Variants in SMARCAL1 observed in about 807,000 individuals in gnomAD.
SMARCAL1 encodes the protein ATP-driven annealing helicase.
SMARCAL1 carries 58 observed loss-of-function variants against 94.5 expected under a neutral mutation model. The ratio of observed to expected loss-of-function variants is 0.61; its 90% CI spans 0.50 to 0.76. The LOEUF is 0.76. SMARCAL1 is among the 30% of genes least tolerant of loss of function. The probability of loss-of-function intolerance (pLI) is 0.00; values close to 1 mark genes in which losing one functional copy is unlikely to be tolerated. For synonymous variants in SMARCAL1, 422 were observed against 455.1 expected (o/e 0.93, Z 0.93); for missense variants, 1,051 against 1,177.9 (o/e 0.89, Z 1.58).
chr2:216,470,838 C>CAAAAAAAAA (rs55763206), intron 14 of SMARCAL1, among the ~76,000 whole-genome samples: 5 of 48,076 alleles, frequency 1.0e-4, no homozygotes, highest in Admixed American at 3.5e-4. Flanking sequence ...AAGAACATCT[C>CAAAAAAAAA]AAAAAAAAAA....
chr2:216,464,376 T>C (rs1043348353), intron 12 of SMARCAL1, among the ~76,000 whole-genome samples: 1 of 152,194 alleles, frequency 6.6e-6, no homozygotes, highest in Admixed American at 6.5e-5. Context: ...TCTTGGACAA[T>C]GGCAGAGTAG....
chr2:216,432,981 T>C, intron 8 of SMARCAL1, 113 bp downstream of exon 8: 6 of 1,374,792 alleles, frequency 4.4e-6, no homozygotes, highest in Non-Finnish European at 6.2e-6. Context: ...CTGTCTCAAG[T>C]AAAGGCAAAG....
chr2:216,445,516 TTTGCCCTG>T (rs766813915), intron 10 of SMARCAL1, among the ~76,000 whole-genome samples: 76 of 152,310 alleles, frequency 5.0e-4, no homozygotes, highest in Non-Finnish European at 9.0e-4. Context: ...ATGAACTGTT[TTTGCCCTG>T]GCTCCATCCC....
rs1307147296 is a variant in SMARCAL1 at position 216,432,702 on chromosome 2, C to T, written c.1335-16C>T. ...TGCCCCGGGAAATGTGCCATCCTCA[C>T]CTTGTCTGCCTTCAGTTTTGCCATA... On this transcript the variant is annotated splice_polypyrimidine_tract_variant and intron_variant, in intron 7 of 17. Transcript: ENST00000357276. The T allele has an allele frequency of 6.2e-7, 1 of 1,614,076 alleles. No homozygotes were observed.
At position 216,414,777 on chromosome 2, in the gene SMARCAL1, G is replaced by A; in HGVS notation, c.73G>A (p.Ala25Thr). Residue 25 changes from alanine (A) to threonine (T), a missense_variant, in exon 3 of 18, where the codon GCT (alanine) becomes ACT (threonine). This residue lies in a region of SMARCAL1 where 398 missense variants were observed against 395.2 expected (regional missense o/e 1.01). Transcript: ENST00000357276. ...TCGACAAAAGGCTCTGGCCCGCAGA[G>A]CTGAGAAGTTATTGGCAGAACAGCA... ...ENRQKALARR[A>T]EKLLAEQHQR... 6.2e-7 allele frequency: 1 copy of A among 1,614,218 alleles called. No individual in the cohort carries two copies. Among genetic ancestry groups the A allele is most frequent in the Non-Finnish European group, 8.5e-7 (1 of 1,180,044 alleles).
intron 6 of SMARCAL1, among the ~76,000 whole-genome samples, chr2:216,424,850 G>A (rs1344941920): frequency 1.3e-5 from 2 of 152,152 alleles, no homozygotes; most frequent in South Asian, 4.1e-4. Flanking sequence ...AATGGCTCAC[G>A]GTGATCTTGA....
chr2:216,414,647 CT>C lies in SMARCAL1; in HGVS notation c.-54del. 1.4e-6 allele frequency: 2 copies of C among 1,464,052 alleles called. No individual in the cohort carries two copies. Among genetic ancestry groups the C allele is most frequent in the Non-Finnish European group, 1.9e-6 (2 of 1,044,058 alleles). 90.7% of individuals were successfully genotyped at this position (1,464,052 alleles called of 1,614,324 possible). A position where few individuals can be genotyped will look rare whatever the true frequency, so the allele number is the denominator to read the frequency against. ...TCATTCTTCTTACTTTCTTCCACAG[CT>C]TTTGCCAACTTTCCAATTAAAGGTT... On this transcript the variant is annotated splice_region_variant and 5_prime_UTR_variant, in exon 3 of 18. An upstream open reading frame in the 5' UTR loses its in-frame stop. Coordinates refer to ENST00000357276, the MANE Select transcript of SMARCAL1 (RefSeq NM_014140.4).
At chr2:216,474,519 C>T (rs538578231) in intron 14 of SMARCAL1, among the ~76,000 whole-genome samples, 14 of 150,478 alleles carry the variant, frequency 9.3e-5, no homozygotes, top group Admixed American at 8.6e-4. Context: ...CTTTGGGAGG[C>T]CGAGGCAGGC....
chr2:216,438,542 C>A, intron 10 of SMARCAL1, 57 bp downstream of exon 10: 4 of 1,494,436 alleles, frequency 2.7e-6, no homozygotes, highest in South Asian at 2.3e-5. Flanking sequence ...ATATTTTGCT[C>A]AGGCTTGCAT....
At chr2:216,434,836 C>T (rs1050292106) in intron 8 of SMARCAL1, among the ~76,000 whole-genome samples, 1 of 146,496 alleles carries the variant, frequency 6.8e-6, no homozygotes, top group Admixed American at 6.9e-5. Context: ...CAAAGTGAGA[C>T]CAACACAACT....
At chr2:216,474,627 C>T (rs111474483) in intron 14 of SMARCAL1, among the ~76,000 whole-genome samples, 7 of 151,778 alleles carry the variant, frequency 4.6e-5, no homozygotes, top group South Asian at 2.1e-4. Flanking sequence ...TGGTGGTGTG[C>T]GCCTGTAATC....
intron 9 of SMARCAL1, among the ~76,000 whole-genome samples, chr2:216,436,902 T>C (rs1694092743): frequency 6.6e-6 from 1 of 152,248 alleles, no homozygotes; most frequent in Non-Finnish European, 1.5e-5. Flanking sequence ...GGCACAAAGC[T>C]AGCAAGTTGG....
At chr2:216,464,717 A>AG in intron 13 of SMARCAL1, 50 bp downstream of exon 13, 1 of 1,262,488 alleles carries the variant, frequency 7.9e-7, no homozygotes, top group East Asian at 2.3e-5. Flanking sequence ...TTCAAAAAAA[A>AG]AAAAAACAAC....
rs774075396 is a variant in SMARCAL1 at position 216,435,405 on chromosome 2, G to C, written c.1553G>C (p.Arg518Pro). The C allele has an allele frequency of 6.2e-7, 1 of 1,614,132 alleles. No individual in the cohort carries two copies. The highest frequency in any genetic ancestry group is 2.2e-5 in the East Asian group (1 of 44,888). Reference protein sequence around the residue: ...CINVVVTGKDRLTAGLINIVS... With the variant: ...CINVVVTGKDPLTAGLINIVS... ...AACGTCGTGGTGACTGGGAAGGACC[G>C]CCTGACAGCTGGCCTGATCAACATT... is the stretch of plus-strand genomic sequence containing the variant. The change falls in exon 9 of 18, where the codon CGC (arginine) becomes CCC (proline). Residue 518 changes from arginine to proline, a missense_variant. Physicochemically the swap from Arg to Pro is moderately radical, Grantham distance 103 (BLOSUM62 -2). This residue lies in a region of SMARCAL1 where 642 missense variants were observed against 754.7 expected (regional missense o/e 0.85). Transcript: ENST00000357276.
Position 216,459,285 on chromosome 2 carries a change from G to A in SMARCAL1, c.2071-5312G>A, listed in dbSNP as rs113572950. On this transcript the variant is annotated intron_variant, in intron 12 of 17. Transcript: ENST00000357276. ...CAGGGTAATTTATAGATTCAATGCCGTCCCCATCAAGCTACCAATGACTTT... is the reference window on the plus strand; with the variant it reads ...CAGGGTAATTTATAGATTCAATGCCATCCCCATCAAGCTACCAATGACTTT... Among the ~76,000 whole-genome samples the A allele has an allele frequency of 6.1e-3, 931 of 152,122 alleles. 11 individuals carry two copies. Among genetic ancestry groups the A allele is most frequent in the African/African-American group, 0.02 (834 of 41,516 alleles).
chr2:216,435,946 TCTAA>T (rs1361004724), intron 9 of SMARCAL1, among the ~76,000 whole-genome samples: 2 of 152,300 alleles, frequency 1.3e-5, no homozygotes, highest in African/African-American at 2.4e-5. Flanking sequence ...CACTTTTTAC[TCTAA>T]CTGTTTTTTG....
Position 216,451,035 on chromosome 2 carries a change from G to T in SMARCAL1, c.2041G>T (p.Ala681Ser). Residue 681 changes from alanine to serine, a missense_variant, in exon 12 of 18, where the codon GCC becomes TCC. This residue lies in a region of SMARCAL1 where 642 missense variants were observed against 754.7 expected (regional missense o/e 0.85). Transcript: ENST00000357276. Reference sequence around the variant, plus strand: ...GACCAGAGCTGCCCTGGATGCTGCAGCCAAGGAAATGACCACCAAGGACAA... The same window carrying T: ...GACCAGAGCTGCCCTGGATGCTGCATCCAAGGAAATGACCACCAAGGACAA... ...ARTRAALDAA[A>S]KEMTTKDKTK... 6.2e-7 allele frequency: 1 copy of T among 1,614,184 alleles called. No homozygotes were observed.
In SMARCAL1 at chr2:216,467,845, A is replaced by G. The variant is rs531865231; in HGVS notation, c.2142-99A>G. 71 of 797,288 alleles carry G rather than the reference A, an allele frequency of 8.9e-5. 1 individual carries two copies. In the East Asian group the frequency reaches 1.4e-3, roughly 16 times the overall value. The allele number at this position is 797,288 out of a possible 1,614,324, so 49.4% of individuals were successfully genotyped here. A position where few individuals can be genotyped will look rare whatever the true frequency, so the allele number is the denominator to read the frequency against. On this transcript the variant is annotated intron_variant, in intron 13 of 17. Coordinates refer to ENST00000357276, the MANE Select transcript of SMARCAL1 (RefSeq NM_014140.4). Reference sequence around the variant, plus strand: ...AAGTGAAAACTGTTGATCATCTTCTATGATCCCAGATAATAAGAATGTTTC... The same window carrying G: ...AAGTGAAAACTGTTGATCATCTTCTGTGATCCCAGATAATAAGAATGTTTC...
Position 216,435,379 on chromosome 2 carries a change from C to G in SMARCAL1, c.1527C>G (p.Ile509Met). The change falls in exon 9 of 18, where the codon ATC becomes ATG. Residue 509 changes from isoleucine to methionine, a missense_variant. By Grantham distance (10) the Ile-to-Met change is conservative (BLOSUM62 1). This residue lies in a region of SMARCAL1 where 642 missense variants were observed against 754.7 expected (regional missense o/e 0.85). Coordinates refer to ENST00000357276, the MANE Select transcript of SMARCAL1 (RefSeq NM_014140.4). The stretch of plus-strand genomic sequence containing the variant: ...TGCCATCTCTGAGCCCAGATTGCAT[C>G]AACGTCGTGGTGACTGGGAAGGACC... ...RWLPSLSPDC[I>M]NVVVTGKDRL... is the part of the protein sequence containing the mutation. 1.9e-6 allele frequency: 3 copies of G among 1,614,146 alleles called. No homozygotes were observed. The highest frequency in any genetic ancestry group is 2.5e-6 in the Non-Finnish European group (3 of 1,180,014).
Sources: allele counts gnomAD v4.1 joint callset (sites outside exome capture counted in the v4.1 genomes callset), GRCh38; gene constraint gnomAD v4.1.1; regional missense constraint gnomAD v4.1.1; transcripts MANE v1.5; gene names NCBI Gene and HGNC (gene_info 2026-07-23, HGNC 2026-07-21).